Variants in ZNF407 observed in about 807,000 individuals in gnomAD.
The protein encoded by ZNF407 is zinc finger protein 407.
In ZNF407, 17 loss-of-function variants were observed where a neutral mutation model predicts 131.2. The observed-to-expected ratio is 0.13, with a 90% CI of 0.09 to 0.19. The LOEUF is 0.19. Among genes scored for constraint, ZNF407 ranks in the 10% least tolerant of loss-of-function variants. The pLI is 1.00. For synonymous variants in ZNF407, 1,156 were observed against 1,062.0 expected, an observed-to-expected ratio of 1.09 and a Z score of -1.72; for missense variants, 2,681 against 2,830.6, an observed-to-expected ratio of 0.95 and a Z score of 1.20.
At chr18:74,672,527 G>T (rs912396139) in intron 3 of ZNF407, among the ~76,000 whole-genome samples, 1 of 150,070 alleles carries the variant, frequency 6.7e-6, no homozygotes, top group African/African-American at 2.5e-5. Context: ...TTGGAGCACC[G>T]TTTGTTCATT....
chr18:74,829,668 C>T (rs1309045668), intron 4 of ZNF407, among the ~76,000 whole-genome samples: 1 of 152,038 alleles, frequency 6.6e-6, no homozygotes, highest in Non-Finnish European at 1.5e-5. Flanking sequence ...AGAGTAGAGA[C>T]AAAAACACTC....
intron 4 of ZNF407, among the ~76,000 whole-genome samples, chr18:74,789,534 G>A (rs1040024285): frequency 3.3e-5 from 5 of 152,160 alleles, no homozygotes; most frequent in Non-Finnish European, 5.9e-5. Flanking sequence ...CAGCTGAACA[G>A]GCTGTGGCTG....
At chr18:74,825,972 A>G (rs1051126185) in intron 4 of ZNF407, among the ~76,000 whole-genome samples, 2 of 152,224 alleles carry the variant, frequency 1.3e-5, no homozygotes, top group African/African-American at 4.8e-5. Flanking sequence ...AACCACATAC[A>G]CTAAACTGTT....
intron 8 of ZNF407, among the ~76,000 whole-genome samples, chr18:74,928,004 C>G (rs975808136): frequency 2.0e-5 from 3 of 152,072 alleles, no homozygotes; most frequent in African/African-American, 7.2e-5. Flanking sequence ...AAAAGCCAAA[C>G]TCTGTTGGAT....
chr18:74,699,282 T>C (rs1225900606), intron 3 of ZNF407, among the ~76,000 whole-genome samples: 3 of 152,194 alleles, frequency 2.0e-5, no homozygotes, highest in African/African-American at 7.2e-5. Context: ...AACATGATGA[T>C]ATATGCTTTT....
At chr18:74,775,496 T>C (rs1381286658) in intron 3 of ZNF407, among the ~76,000 whole-genome samples, 1 of 152,200 alleles carries the variant, frequency 6.6e-6, no homozygotes, top group Non-Finnish European at 1.5e-5. Flanking sequence ...GTAATCTGAG[T>C]AGACATTATC....
At chr18:74,729,577 G>A (rs1342928193) in intron 3 of ZNF407, among the ~76,000 whole-genome samples, 1 of 152,130 alleles carries the variant, frequency 6.6e-6, no homozygotes, top group South Asian at 2.1e-4. Context: ...TTTGTGAGGA[G>A]CGCTCAGCAT....
intron 8 of ZNF407, among the ~76,000 whole-genome samples, chr18:75,017,447 T>A (rs1254942416): frequency 6.6e-6 from 1 of 152,110 alleles, no homozygotes; most frequent in Admixed American, 6.6e-5. Flanking sequence ...GATCCACTGA[T>A]GTTTTGGCAG....
chr18:74,630,265 G>T (rs1255536044), intron 1 of ZNF407, among the ~76,000 whole-genome samples: 1 of 151,392 alleles, frequency 6.6e-6, no homozygotes, highest in African/African-American at 2.4e-5. Flanking sequence ...CCGCCTCCCG[G>T]GTTCACGCCA....
At chr18:74,691,745 T>G (rs1197430667) in intron 3 of ZNF407, among the ~76,000 whole-genome samples, 1 of 152,138 alleles carries the variant, frequency 6.6e-6, no homozygotes, top group Non-Finnish European at 1.5e-5. Context: ...TCTTGCTGTT[T>G]TGGGTGTTGT....
intron 3 of ZNF407, among the ~76,000 whole-genome samples, chr18:74,738,422 GAAAAAAAAAAAAAAA>G (rs10602546): frequency 1.5e-5 from 1 of 65,692 alleles, no homozygotes; most frequent in African/African-American, 7.2e-5. Flanking sequence ...TCTGTCTCAA[GAAAAAAAAAAAAAAA>G]AAAAAAAAAA....
At chr18:75,038,210 C>T (rs1973331861) in intron 8 of ZNF407, among the ~76,000 whole-genome samples, 1 of 152,136 alleles carries the variant, frequency 6.6e-6, no homozygotes, top group South Asian at 2.1e-4. Context: ...ATGGCATTAC[C>T]GATTACAAAA....
At chr18:75,000,706 A>G (rs1339345051) in intron 8 of ZNF407, among the ~76,000 whole-genome samples, 1 of 152,140 alleles carries the variant, frequency 6.6e-6, no homozygotes, top group Non-Finnish European at 1.5e-5. Flanking sequence ...TCATTTTTAT[A>G]TATTTTATTA....
chr18:75,001,516 G>A (rs1972845318), intron 8 of ZNF407, among the ~76,000 whole-genome samples: 1 of 152,138 alleles, frequency 6.6e-6, no homozygotes, highest in African/African-American at 2.4e-5. Flanking sequence ...AATGCCAGTT[G>A]TTAAGGTACT....
At chr18:74,770,562 A>G (rs1196934980) in intron 3 of ZNF407, among the ~76,000 whole-genome samples, 5 of 152,210 alleles carry the variant, frequency 3.3e-5, no homozygotes, top group Non-Finnish European at 7.3e-5. Flanking sequence ...GGAAGTCTAC[A>G]ATGTACTCTT....
chr18:74,881,499 T>A (rs547214429), intron 6 of ZNF407, among the ~76,000 whole-genome samples: 2 of 152,124 alleles, frequency 1.3e-5, no homozygotes, highest in Non-Finnish European at 2.9e-5. Context: ...TCATTCTCTC[T>A]ACCCACCTCG....
Position 74,695,651 on chromosome 18 carries a change from G to T in ZNF407, c.4802+54529G>T, listed in dbSNP as rs541084053. 2.6e-5 allele frequency among the ~76,000 whole-genome samples: 4 copies of T among 152,054 alleles called. No individual in the cohort carries two copies. The South Asian group carries it at 8.3e-4, about 32-fold the overall frequency. On this transcript the variant is annotated intron_variant, in intron 3 of 8. Transcript: ENST00000299687. ...TGTGGTAGAAGGAATGTCTGATTTG[G>T]AACTAGGATCAGTAGTTATCTAGTT...
intron 1 of ZNF407, among the ~76,000 whole-genome samples, chr18:74,625,810 C>T (rs1328344007): frequency 6.6e-6 from 1 of 152,244 alleles, no homozygotes; most frequent in African/African-American, 2.4e-5. Flanking sequence ...TTCATTCATT[C>T]TAGTACCTTA....
chr18:74,890,811 C>A (rs1219871340), intron 7 of ZNF407, among the ~76,000 whole-genome samples: 1 of 152,138 alleles, frequency 6.6e-6, no homozygotes, highest in Non-Finnish European at 1.5e-5. Flanking sequence ...GAAGTCCTCA[C>A]AGAGGAGAGA....
Sources: allele counts gnomAD v4.1 joint callset (sites outside exome capture counted in the v4.1 genomes callset), GRCh38; gene constraint gnomAD v4.1.1; transcripts MANE v1.5; gene names NCBI Gene and HGNC (gene_info 2026-07-23, HGNC 2026-07-21).